Variants in SENP6 observed in about 807,000 individuals in gnomAD.
SENP6 encodes sentrin-specific protease 6.
Under a neutral mutation model 134.5 loss-of-function variants are expected in SENP6, and 41 were observed. The ratio of observed to expected loss-of-function variants is 0.30; its 90% CI spans 0.24 to 0.40. The LOEUF is 0.40. Ranked by LOEUF, SENP6 falls within the 10% of genes least tolerant of loss-of-function variation. The pLI, the probability that SENP6 is intolerant of heterozygous loss-of-function variation, is 1.00. For synonymous variants in SENP6, 395 were observed against 429.8 expected, an observed-to-expected ratio of 0.92 and a Z score of 1.00; for missense variants, 1,248 against 1,312.5, an observed-to-expected ratio of 0.95 and a Z score of 0.76.
chr6:75,694,092 A>G (rs972859117), intron 16 of SENP6, among the ~76,000 whole-genome samples: 9 of 152,184 alleles, frequency 5.9e-5, no homozygotes, highest in African/African-American at 2.2e-4. Context: ...CCCCGTCTCT[A>G]CTAAAAATAC....
Position 75,711,423 on chromosome 6 carries a change from A to G in SENP6, c.2909+7A>G. The G allele has an allele frequency of 6.4e-7, 1 of 1,556,540 alleles. No homozygotes were observed. The highest frequency in any genetic ancestry group is 8.8e-7 in the Non-Finnish European group (1 of 1,132,056). On this transcript the variant is annotated splice_region_variant and intron_variant, in intron 21 of 23. Coordinates refer to ENST00000447266, the MANE Select transcript of SENP6 (RefSeq NM_015571.4). Reference sequence around the variant, plus strand: ...AGCCTACTATCTGTAAACAGTAAGCATTAACTGTGTATCTTGAAAACTACA... The same window carrying G: ...AGCCTACTATCTGTAAACAGTAAGCGTTAACTGTGTATCTTGAAAACTACA...
rs1289418624 is a variant in SENP6, at chr6:75,705,924, CCTTTTTTTTTTTTTTTTT to C, written c.2716+2853_2716+2870del. ...AGTGAGTTAGAAAGCTATTTTTGAGCCTTTTTTTTTTTTTTTTTTTTTTTTTTTTTGAGATGGAGTCTC... is the reference window on the plus strand; with the variant it reads ...AGTGAGTTAGAAAGCTATTTTTGAGCTTTTTTTTTTTTGAGATGGAGTCTC... On this transcript the variant is annotated intron_variant, in intron 19 of 23. Transcript: ENST00000447266. 1.6e-4 allele frequency among the ~76,000 whole-genome samples: 14 copies of C among 89,288 alleles called. 1 individual carries two copies. In the East Asian group the frequency reaches 4.2e-3, roughly 27 times the overall value. 58.6% of individuals were successfully genotyped at this position (89,288 alleles called of 152,430 possible).
intron 1 of SENP6, among the ~76,000 whole-genome samples, chr6:75,614,931 A>G (rs890797218): frequency 6.6e-6 from 1 of 152,094 alleles, no homozygotes; most frequent in Admixed American, 6.5e-5. Flanking sequence ...TTTTTTACCC[A>G]GGCTGGAGTG....
intron 5 of SENP6, among the ~76,000 whole-genome samples, chr6:75,636,601 G>A (rs917491589): frequency 1.3e-5 from 2 of 152,150 alleles, no homozygotes; most frequent in African/African-American, 4.8e-5. Context: ...TACATGCATG[G>A]TTAGGGCAGC....
At chr6:75,640,735 G>A (rs372594339) in intron 6 of SENP6, 31 bp downstream of exon 6, 1 of 1,324,418 alleles carries the variant, frequency 7.6e-7, no homozygotes, top group South Asian at 1.6e-5. Flanking sequence ...ATTAGAGCAT[G>A]GATATAGTGG....
intron 7 of SENP6, among the ~76,000 whole-genome samples, chr6:75,656,390 T>G (rs1771342730): frequency 6.6e-6 from 1 of 152,120 alleles, no homozygotes; most frequent in South Asian, 2.1e-4. Flanking sequence ...TTCTCTGGAG[T>G]AATCTGTTGA....
Position 75,663,852 on chromosome 6 carries a change from T to C in SENP6, c.994+334T>C, listed in dbSNP as rs1394141292. Among the ~76,000 whole-genome samples the C allele has an allele frequency of 6.9e-5, 10 of 145,328 alleles. No individual in the cohort carries two copies. In the East Asian group the frequency reaches 1.8e-3, roughly 26 times the overall value. On this transcript the variant is annotated intron_variant, in intron 9 of 23. Transcript: ENST00000447266. Reference sequence around the variant, plus strand: ...GGGGGGTGCCTAAAATAACATAAAGTATGCATAGCCCAATAAAATATTTGA... The same window carrying C: ...GGGGGGTGCCTAAAATAACATAAAGCATGCATAGCCCAATAAAATATTTGA...
chr6:75,614,930 C>T (rs1041751282), intron 1 of SENP6, among the ~76,000 whole-genome samples: 2 of 152,140 alleles, frequency 1.3e-5, no homozygotes, highest in African/African-American at 2.4e-5. Flanking sequence ...CTTTTTTACC[C>T]AGGCTGGAGT....
chr6:75,684,416 C>A lies in SENP6; in HGVS notation c.2075+5489C>A, dbSNP rs541155449. ...CTTTCTCTTGCCTGATTGCCCTAGC[C>A]AGAACTTCCAACACTATGTTGAATA... On this transcript the variant is annotated intron_variant, in intron 16 of 23. Transcript: ENST00000447266. Among the ~76,000 whole-genome samples, 5 of 152,264 alleles carry A rather than the reference C, an allele frequency of 3.3e-5. No homozygotes were observed. In the East Asian group the frequency reaches 9.6e-4, roughly 29 times the overall value.
chr6:75,672,259 A>G (rs1279768939), intron 11 of SENP6, among the ~76,000 whole-genome samples: 1 of 152,196 alleles, frequency 6.6e-6, no homozygotes, highest in African/African-American at 2.4e-5. Flanking sequence ...CTTCAGTGTG[A>G]TGAGTAAGGT....
intron 1 of SENP6, among the ~76,000 whole-genome samples, chr6:75,603,502 ACT>A (rs1455159211): frequency 6.6e-6 from 1 of 151,928 alleles, no homozygotes; most frequent in African/African-American, 2.4e-5. Flanking sequence ...AGAATTAACT[ACT>A]CTTTGGATAA....
At position 75,716,235 on chromosome 6, in the gene SENP6, A is replaced by G. The variant is rs1176345652; in HGVS notation, c.*641A>G. 1 of 151,924 alleles carries G rather than the reference A, an allele frequency of 6.6e-6. No homozygotes were observed. The highest frequency in any genetic ancestry group is 1.5e-5 in the Non-Finnish European group (1 of 67,830). 9.4% of individuals were successfully genotyped at this position (151,924 alleles called of 1,614,324 possible). ...AGCAATTCAAAAAAAGTAACCTTATACTACTAAAAAAAAAATTCTTGCATA... is the reference window on the plus strand; with the variant it reads ...AGCAATTCAAAAAAAGTAACCTTATGCTACTAAAAAAAAAATTCTTGCATA... On this transcript the variant is annotated 3_prime_UTR_variant, in exon 24 of 24. Coordinates refer to ENST00000447266, the MANE Select transcript of SENP6 (RefSeq NM_015571.4).
chr6:75,663,440 A>G lies in SENP6; in HGVS notation c.916A>G (p.Ile306Val), dbSNP rs747426204. 7.4e-6 allele frequency: 12 copies of G among 1,613,342 alleles called. No homozygotes were observed. Among genetic ancestry groups the G allele is most frequent in the Middle Eastern group, 1.6e-4 (1 of 6,072 alleles). Residue 306 changes from isoleucine to valine, a missense_variant, in exon 9 of 24, where the codon ATT becomes GTT. Ile to Val is a conservative substitution (Grantham distance 29). This residue lies in a region of SENP6 where 733 missense variants were observed against 725.4 expected (regional missense o/e 1.01). Coordinates refer to ENST00000447266, the MANE Select transcript of SENP6 (RefSeq NM_015571.4). ...HTYLQTNGKV[I>V]LPGAKIPKIT... ...TTATTTACAGACTAATGGAAAAGTC[A>G]TTTTACCTGGGGCAAAAATACCCAA...
At chr6:75,692,001 C>T (rs1346888837) in intron 16 of SENP6, among the ~76,000 whole-genome samples, 1 of 152,110 alleles carries the variant, frequency 6.6e-6, no homozygotes, top group Non-Finnish European at 1.5e-5. Context: ...GGATTACAGG[C>T]ATGTGCTACC....
intron 2 of SENP6, 137 bp downstream of exon 2, chr6:75,621,762 G>T: frequency 1.9e-6 from 1 of 533,160 alleles, no homozygotes; most frequent in Admixed American, 3.6e-5. Context: ...GTCGCTTTAA[G>T]GAAAGAAAAA....
chr6:75,649,504 TTTTG>T (rs930847327), intron 7 of SENP6, among the ~76,000 whole-genome samples: 6 of 151,854 alleles, frequency 4.0e-5, no homozygotes, highest in Non-Finnish European at 5.9e-5. Context: ...TTAACTTGGG[TTTTG>T]TTTGTTTGTT....
intron 8 of SENP6, among the ~76,000 whole-genome samples, chr6:75,660,826 T>G (rs1362016492): frequency 6.6e-6 from 1 of 152,162 alleles, no homozygotes; most frequent in African/African-American, 2.4e-5. Context: ...AGATGGCGTT[T>G]CACCATGTTG....
chr6:75,632,512 G>T (rs1412927650), intron 3 of SENP6, among the ~76,000 whole-genome samples: 2 of 152,170 alleles, frequency 1.3e-5, no homozygotes, highest in Non-Finnish European at 2.9e-5. Flanking sequence ...ATTAAATGCA[G>T]TGTTATTGAA....
intron 16 of SENP6, among the ~76,000 whole-genome samples, chr6:75,691,686 G>A (rs189772660): frequency 4.4e-4 from 66 of 151,614 alleles, no homozygotes; most frequent in African/African-American, 1.5e-3. Context: ...TGCAAGCTCC[G>A]CCTCCCTGAG....
Sources: allele counts gnomAD v4.1 joint callset (sites outside exome capture counted in the v4.1 genomes callset), GRCh38; gene constraint gnomAD v4.1.1; regional missense constraint gnomAD v4.1.1; transcripts MANE v1.5; gene names NCBI Gene and HGNC (gene_info 2026-07-23, HGNC 2026-07-21).